Variants in NRP2 observed in about 807,000 individuals in gnomAD.
The protein encoded by NRP2 is neuropilin-2.
NRP2 carries 52 observed loss-of-function variants against 110.4 expected under a neutral mutation model. That is an observed-to-expected ratio of 0.47 (90% CI 0.38 to 0.59). NRP2 has a LOEUF of 0.59. Ranked by LOEUF, NRP2 falls within the 20% of genes least tolerant of loss-of-function variation. The pLI is 0.00. For missense variants in NRP2, 1,049 were observed against 1,203.0 expected (o/e 0.87, Z 1.89); for synonymous variants, 508 against 468.9 (o/e 1.08, Z -1.08).
chr2:205,749,417 G>A (rs749355915), intron 10 of NRP2, among the ~76,000 whole-genome samples: 36 of 152,162 alleles, frequency 2.4e-4, no homozygotes, highest in Non-Finnish European at 4.0e-4. Flanking sequence ...TGGAGTCAGC[G>A]TCGCCTGTAG....
At chr2:205,718,752 G>A (rs2056952195) in intron 3 of NRP2, among the ~76,000 whole-genome samples, 1 of 152,064 alleles carries the variant, frequency 6.6e-6, no homozygotes, top group South Asian at 2.1e-4. Flanking sequence ...CACCAGCCTG[G>A]CCAACATGGC....
chr2:205,795,965 T>C lies in NRP2; in HGVS notation c.*907T>C, dbSNP rs926018335. The C allele has an allele frequency of 1.3e-5, 2 of 152,212 alleles. No individual in the cohort carries two copies. The highest frequency in any genetic ancestry group is 2.9e-5 in the Non-Finnish European group (2 of 68,044). The allele number at this position is 152,212 out of a possible 1,614,324, so 9.4% of individuals were successfully genotyped here. ...TGTTCTTCTAAAACATATACATATA[T>C]ACATACACACATACACATATTCTTC... is the stretch of plus-strand genomic sequence containing the variant. On this transcript the variant is annotated 3_prime_UTR_variant, in exon 17 of 17. Coordinates refer to ENST00000357785, the MANE Select transcript of NRP2 (RefSeq NM_003872.3).
intron 2 of NRP2, among the ~76,000 whole-genome samples, chr2:205,706,134 C>T (rs2056670541): frequency 6.6e-6 from 1 of 152,058 alleles, no homozygotes; most frequent in South Asian, 2.1e-4. Context: ...CTTCACTCTC[C>T]ATCTGGAGTC....
At chr2:205,789,334 G>T (rs910373249) in intron 15 of NRP2, among the ~76,000 whole-genome samples, 50 of 152,148 alleles carry the variant, frequency 3.3e-4, no homozygotes, top group African/African-American at 1.0e-3. Flanking sequence ...GAGCACAAAG[G>T]TTGAAAGCGG....
intron 15 of NRP2, chr2:205,776,226 C>T: frequency 6.2e-7 from 1 of 1,608,472 alleles, no homozygotes; most frequent in Non-Finnish European, 8.5e-7. Flanking sequence ...TAGCAACACT[C>T]TTCTGTGTCT....
chr2:205,783,615 C>T (rs1301473618), intron 15 of NRP2, among the ~76,000 whole-genome samples: 1 of 152,182 alleles, frequency 6.6e-6, no homozygotes, highest in Non-Finnish European at 1.5e-5. Flanking sequence ...TTCAGGGCTG[C>T]AATACCCAAA....
At position 205,789,510 on chromosome 2, in the gene NRP2, C is replaced by T. The variant is rs144964733; in HGVS notation, c.2426-2725C>T. On this transcript the variant is annotated intron_variant, in intron 15 of 16. Coordinates refer to ENST00000357785, the MANE Select transcript of NRP2 (RefSeq NM_003872.3). Reference sequence around the variant, plus strand: ...CCCCATTGAAAACAAAATTCTGAGTCCCTGGTTCCTTTCTCCCACTCTCTC... The same window carrying T: ...CCCCATTGAAAACAAAATTCTGAGTTCCTGGTTCCTTTCTCCCACTCTCTC... Among the ~76,000 whole-genome samples the T allele has an allele frequency of 2.0e-3, 306 of 152,316 alleles. 1 individual carries two copies. Among genetic ancestry groups the T allele is most frequent in the African/African-American group, 7.2e-3 (298 of 41,566 alleles).
Position 205,682,775 on chromosome 2 carries a change from C to A in NRP2, c.-516C>A, listed in dbSNP as rs1575525205. 1 of 160,918 alleles carries A rather than the reference C, an allele frequency of 6.2e-6. No homozygotes were observed. The highest frequency in any genetic ancestry group is 1.4e-5 in the Non-Finnish European group (1 of 73,486). The allele number at this position is 160,918 out of a possible 1,614,324, so 10.0% of individuals were successfully genotyped here. A position where few individuals can be genotyped will look rare whatever the true frequency, so the allele number is the denominator to read the frequency against. On this transcript the variant is annotated 5_prime_UTR_variant, in exon 1 of 17. Transcript: ENST00000357785. This position sits in a 1 kb window ranked among gnomAD's most constrained non-coding sequence, Gnocchi z 4.3. ...GAACCCGGCGAGGACAAGAGCAGGGCGGCCGCCTTCCACTCGGGCTGTCCG... is the reference window on the plus strand; with the variant it reads ...GAACCCGGCGAGGACAAGAGCAGGGAGGCCGCCTTCCACTCGGGCTGTCCG...
chr2:205,726,804 C>A (rs923809326), intron 6 of NRP2, among the ~76,000 whole-genome samples: 1 of 152,146 alleles, frequency 6.6e-6, no homozygotes, highest in African/African-American at 2.4e-5. Context: ...CACTGACAAG[C>A]CTGTCCTAGC....
chr2:205,770,336 C>T (rs1415032024), intron 15 of NRP2, among the ~76,000 whole-genome samples: 1 of 152,154 alleles, frequency 6.6e-6, no homozygotes, highest in Non-Finnish European at 1.5e-5. Flanking sequence ...GGAGAAAGTG[C>T]ACATCCACAG....
intron 15 of NRP2, 105 bp downstream of exon 15, chr2:205,766,908 C>T: frequency 9.4e-7 from 1 of 1,062,584 alleles, no homozygotes; most frequent in Non-Finnish European, 1.4e-6. Context: ...TTTGTCAAAT[C>T]TCGCAAGAGA....
chr2:205,790,693 T>C (rs1280547704), intron 15 of NRP2, among the ~76,000 whole-genome samples: 1 of 152,072 alleles, frequency 6.6e-6, no homozygotes, highest in Non-Finnish European at 1.5e-5. Flanking sequence ...GGGTTGACTT[T>C]CACAAGCTCG....
chr2:205,781,467 C>T (rs549055576), intron 15 of NRP2, among the ~76,000 whole-genome samples: 51 of 152,338 alleles, frequency 3.3e-4, no homozygotes, highest in African/African-American at 1.1e-3. Flanking sequence ...CTCAGATAAC[C>T]GAAACCCAGC....
chr2:205,705,398 GAAGGAA>G (rs1007475949), intron 2 of NRP2, among the ~76,000 whole-genome samples: 2 of 152,164 alleles, frequency 1.3e-5, no homozygotes, highest in Non-Finnish European at 2.9e-5. Flanking sequence ...CTAAAAAGAA[GAAGGAA>G]AAGGAAAAGG....
intron 2 of NRP2, among the ~76,000 whole-genome samples, chr2:205,706,674 G>A (rs1332620090): frequency 6.6e-6 from 1 of 152,064 alleles, no homozygotes; most frequent in African/African-American, 2.4e-5. Flanking sequence ...TTATTTTGGG[G>A]GGTCATCTGC....
At chr2:205,747,019 G>A (rs574100849) in intron 10 of NRP2, among the ~76,000 whole-genome samples, 3 of 152,108 alleles carry the variant, frequency 2.0e-5, no homozygotes, top group East Asian at 3.9e-4. Flanking sequence ...CCTGCTAAAC[G>A]TGTGTCACCC....
intron 7 of NRP2, among the ~76,000 whole-genome samples, chr2:205,734,247 A>G (rs1365194451): frequency 1.3e-5 from 2 of 151,854 alleles, no homozygotes; most frequent in Non-Finnish European, 2.9e-5. Context: ...CTCTAACTCT[A>G]TATCTGGCTA....
At chr2:205,689,879 C>A (rs900227423) in intron 1 of NRP2, among the ~76,000 whole-genome samples, 1 of 152,160 alleles carries the variant, frequency 6.6e-6, no homozygotes, top group Non-Finnish European at 1.5e-5. Flanking sequence ...AAAAAGTCAT[C>A]ATAAAGACAA....
intron 15 of NRP2, 69 bp from the exon 16 acceptor site, chr2:205,792,166 G>A: frequency 9.8e-7 from 1 of 1,022,602 alleles, no homozygotes; most frequent in Non-Finnish European, 1.6e-6. Context: ...CGTAAAGATT[G>A]CCTCCCTGCC....
Sources: allele counts gnomAD v4.1 joint callset (sites outside exome capture counted in the v4.1 genomes callset), GRCh38; gene constraint gnomAD v4.1.1; non-coding constraint Gnocchi (gnomAD v3.1); transcripts MANE v1.5; gene names NCBI Gene and HGNC (gene_info 2026-07-23, HGNC 2026-07-21).